Variants in ZNF438 observed in about 807,000 individuals in gnomAD.
ZNF438 encodes the protein zinc finger protein 438.
ZNF438 carries 25 observed loss-of-function variants against 38.0 expected under a neutral mutation model. The observed-to-expected ratio is 0.66, with a 90% CI of 0.48 to 0.92. ZNF438 has a LOEUF of 0.92. ZNF438 is among the 40% of genes least tolerant of loss of function. The pLI is 0.00. For synonymous variants in ZNF438, 372 were observed against 364.1 expected, an observed-to-expected ratio of 1.02 and a Z score of -0.25; for missense variants, 1,007 against 999.6, an observed-to-expected ratio of 1.01 and a Z score of -0.10.
At chr10:30,913,596 A>G (rs1182690442) in intron 2 of ZNF438, among the ~76,000 whole-genome samples, 1 of 152,010 alleles carries the variant, frequency 6.6e-6, no homozygotes, top group Non-Finnish European at 1.5e-5. Flanking sequence ...AGAGTAAGTG[A>G]ATTTAGGGAG....
chr10:31,032,376 C>T (rs1472916157), upstream of ZNF438, among the ~76,000 whole-genome samples: 3 of 152,212 alleles, frequency 2.0e-5, no homozygotes, highest in African/African-American at 4.8e-5. Flanking sequence ...CCTCGCTCCT[C>T]CCCGGCTCGA....
At chr10:30,928,493 A>C (rs2045230516) in intron 2 of ZNF438, among the ~76,000 whole-genome samples, 1 of 152,056 alleles carries the variant, frequency 6.6e-6, no homozygotes, top group Admixed American at 6.5e-5. Flanking sequence ...TATAAATATA[A>C]ATATAAGGGC....
At chr10:30,990,941 CA>C (rs1368634659) in intron 1 of ZNF438, among the ~76,000 whole-genome samples, 7 of 150,904 alleles carry the variant, frequency 4.6e-5, no homozygotes, top group Admixed American at 3.9e-4. Flanking sequence ...TTCTCCCCAA[CA>C]AAAACAATTT....
At chr10:30,892,769 CT>C (rs1222096733) in intron 3 of ZNF438, among the ~76,000 whole-genome samples, 3 of 152,202 alleles carry the variant, frequency 2.0e-5, no homozygotes, top group Non-Finnish European at 2.9e-5. Flanking sequence ...GCTCTGTCCC[CT>C]GTCCGTATTT....
intron 1 of ZNF438, among the ~76,000 whole-genome samples, chr10:31,017,428 G>A (rs1310926526): frequency 6.6e-6 from 1 of 152,196 alleles, no homozygotes; most frequent in Non-Finnish European, 1.5e-5. Context: ...GGTTGCTTTA[G>A]GTGTCAAACA....
intron 2 of ZNF438, among the ~76,000 whole-genome samples, chr10:30,925,927 G>A (rs1402776452): frequency 1.3e-5 from 2 of 152,086 alleles, no homozygotes; most frequent in African/African-American, 2.4e-5. Flanking sequence ...CAAGAAAAAT[G>A]GTATTTTTGA....
intron 4 of ZNF438, among the ~76,000 whole-genome samples, chr10:30,856,877 C>G (rs952574285): frequency 3.9e-5 from 6 of 152,110 alleles, no homozygotes; most frequent in African/African-American, 1.4e-4. Flanking sequence ...TGAAAAGTGA[C>G]ATTTACAGTT....
exon 5 of ZNF438, chr10:30,850,252 C>A (rs2033332114): frequency 6.2e-7 from 1 of 1,614,028 alleles, no homozygotes; most frequent in African/African-American, 1.3e-5. Flanking sequence ...AATGACATGG[C>A]AGCATTCTGG....
chr10:30,964,796 G>A (rs2049931011), intron 1 of ZNF438, among the ~76,000 whole-genome samples: 1 of 152,168 alleles, frequency 6.6e-6, no homozygotes, highest in Non-Finnish European at 1.5e-5. Context: ...CAGGAAGGAT[G>A]TAGACATGCA....
At position 31,014,350 on chromosome 10, in the gene ZNF438, A is replaced by G. The variant is rs150663477; in HGVS notation, c.-192+17483T>C. ...AGGGTGCCAGCATGGTCGCTTTCTG[A>G]TAAGGGCCACTTCTGGGCTTGCAGA... On this transcript the variant is annotated intron_variant, in intron 1 of 5. Coordinates refer to ENST00000413025, the Ensembl canonical transcript of ZNF438. 3.5e-4 allele frequency among the ~76,000 whole-genome samples: 54 copies of G among 152,292 alleles called. No individual in the cohort carries two copies. In the East Asian group the frequency reaches 9.5e-3, roughly 27 times the overall value.
intron 1 of ZNF438, among the ~76,000 whole-genome samples, chr10:30,994,940 G>A (rs1201366209): frequency 6.6e-6 from 1 of 151,870 alleles, no homozygotes; most frequent in Non-Finnish European, 1.5e-5. Context: ...GCTGAGGTGG[G>A]AGGACTGCTT....
At chr10:31,018,656 T>C (rs1429146680) in intron 1 of ZNF438, among the ~76,000 whole-genome samples, 1 of 152,232 alleles carries the variant, frequency 6.6e-6, no homozygotes, top group Non-Finnish European at 1.5e-5. Context: ...ACTGCTGTAA[T>C]AAACTGATGC....
chr10:30,995,097 C>A lies in ZNF438; in HGVS notation c.-192+36736G>T, dbSNP rs61109090. ...AAAATAAATAAATAATGGTTGAAAT[C>A]TTTCCAAATTTGATAAAAGAAAAAG... is the stretch of plus-strand genomic sequence containing the variant. On this transcript the variant is annotated intron_variant, in intron 1 of 5. Coordinates refer to ENST00000413025, the Ensembl canonical transcript of ZNF438. Among the ~76,000 whole-genome samples, 614 of 151,664 alleles carry A rather than the reference C, an allele frequency of 4.0e-3. 7 individuals carry two copies. The highest frequency in any genetic ancestry group is 0.014 in the African/African-American group (575 of 41,372).
intron 2 of ZNF438, among the ~76,000 whole-genome samples, chr10:30,913,932 C>A (rs1046956992): frequency 1.3e-5 from 2 of 152,072 alleles, no homozygotes; most frequent in African/African-American, 2.4e-5. Context: ...AAGCCATAGA[C>A]AAATCCAATC....
At chr10:30,983,051 G>C (rs1019940673) in intron 1 of ZNF438, among the ~76,000 whole-genome samples, 1 of 152,084 alleles carries the variant, frequency 6.6e-6, no homozygotes, top group African/African-American at 2.4e-5. Flanking sequence ...CACATTATTG[G>C]ACTTTTTTCT....
chr10:31,016,018 A>G (rs2133190265), intron 1 of ZNF438, among the ~76,000 whole-genome samples: 1 of 152,338 alleles, frequency 6.6e-6, no homozygotes, highest in Non-Finnish European at 1.5e-5. Flanking sequence ...TTAGGGCCTC[A>G]ACATATGAAT....
intron 4 of ZNF438, among the ~76,000 whole-genome samples, chr10:30,860,981 T>C (rs574427341): frequency 4.2e-4 from 64 of 152,322 alleles, no homozygotes; most frequent in Middle Eastern, 6.8e-3. Context: ...TAAATTATTA[T>C]AAGTTTTAAG....
chr10:31,012,465 T>C (rs1264344995), intron 1 of ZNF438, among the ~76,000 whole-genome samples: 1 of 152,182 alleles, frequency 6.6e-6, no homozygotes, highest in Non-Finnish European at 1.5e-5. Context: ...TCTGAAATTA[T>C]ACATACAAGT....
chr10:31,019,470 C>T (rs1264241623), intron 1 of ZNF438, among the ~76,000 whole-genome samples: 1 of 152,158 alleles, frequency 6.6e-6, no homozygotes, highest in East Asian at 1.9e-4. Context: ...TTGATGGCGT[C>T]AACTTTGATG....
Sources: gnomAD v4.1 joint callset for allele counts (sites outside exome capture counted in the v4.1 genomes callset) on GRCh38, gnomAD v4.1.1 for gene constraint, MANE v1.5 for transcripts, NCBI Gene and HGNC (gene_info 2026-07-23, HGNC 2026-07-21) for gene names.